The following EVA1C variants were observed in gnomAD, a reference collection of about 807,000 sequenced individuals.
EVA1C encodes protein eva-1 homolog C.
EVA1C carries 25 observed loss-of-function variants against 45.4 expected under a neutral mutation model. The ratio of observed to expected loss-of-function variants is 0.55; its 90% CI spans 0.40 to 0.77. The LOEUF is 0.77. Among genes scored for constraint, EVA1C ranks in the 30% least tolerant of loss-of-function variants. EVA1C has a pLI of 0.00. For missense variants in EVA1C, 479 were observed against 554.8 expected (o/e 0.86, Z 1.37); for synonymous variants, 190 against 221.2 (o/e 0.86, Z 1.25).
At chr21:32,458,773 G>T (rs9984457) in intron 3 of EVA1C, among the ~76,000 whole-genome samples, 5,832 of 152,026 alleles carry the variant, frequency 0.038, 133 homozygotes, top group African/African-American at 0.056. Context: ...GAGCCACCAC[G>T]CCTGGTCGAG....
chr21:32,426,666 G>A (rs2034499294), intron 1 of EVA1C, among the ~76,000 whole-genome samples: 2 of 152,120 alleles, frequency 1.3e-5, no homozygotes, highest in South Asian at 4.1e-4. Flanking sequence ...TCGTTTTACA[G>A]CCCACATCGA....
intron 5 of EVA1C, among the ~76,000 whole-genome samples, chr21:32,498,244 C>T (rs571512410): frequency 2.1e-4 from 32 of 152,192 alleles, no homozygotes; most frequent in Non-Finnish European, 4.6e-4. Context: ...GTCAAGAGTT[C>T]GAGACCAGCC....
intron 4 of EVA1C, among the ~76,000 whole-genome samples, chr21:32,480,117 T>C (rs2036723843): frequency 6.6e-6 from 1 of 152,002 alleles, no homozygotes; most frequent in Non-Finnish European, 1.5e-5. Flanking sequence ...TACATAGCAC[T>C]GCTTATAATA....
chr21:32,512,310 C>T (rs1054933559), intron 7 of EVA1C, among the ~76,000 whole-genome samples: 3 of 152,164 alleles, frequency 2.0e-5, no homozygotes, highest in African/African-American at 7.2e-5. Flanking sequence ...GAGAATGTCT[C>T]ATGTCCTAAG....
intron 7 of EVA1C, among the ~76,000 whole-genome samples, chr21:32,508,572 C>T (rs2037848830): frequency 1.3e-5 from 2 of 152,228 alleles, no homozygotes; most frequent in Admixed American, 6.5e-5. Flanking sequence ...GATATGGATT[C>T]GGATGTGTTC....
At chr21:32,488,216 T>C (rs1192481274) in intron 4 of EVA1C, among the ~76,000 whole-genome samples, 2 of 152,224 alleles carry the variant, frequency 1.3e-5, no homozygotes, top group African/African-American at 4.8e-5. Flanking sequence ...AGGACCTGAA[T>C]AGACATTTCT....
At chr21:32,508,253 G>A (rs2037838345) in intron 7 of EVA1C, among the ~76,000 whole-genome samples, 2 of 152,180 alleles carry the variant, frequency 1.3e-5, no homozygotes, top group Non-Finnish European at 2.9e-5. Flanking sequence ...CTGCAGGCAT[G>A]CCTTTTGTGG....
chr21:32,425,174 A>AAAC (rs1030453027), intron 1 of EVA1C, among the ~76,000 whole-genome samples: 9 of 110,742 alleles, frequency 8.1e-5, no homozygotes, highest in Admixed American at 3.5e-4. Context: ...AACAAACAAC[A>AAAC]ACAACAAAAA....
chr21:32,419,676 C>T (rs1318742784), intron 1 of EVA1C, among the ~76,000 whole-genome samples: 2 of 152,136 alleles, frequency 1.3e-5, no homozygotes, highest in Non-Finnish European at 2.9e-5. Context: ...AATCGTGCTT[C>T]TGCACTTCAG....
At chr21:32,459,285 T>C (rs1215095482) in intron 3 of EVA1C, among the ~76,000 whole-genome samples, 1 of 152,106 alleles carries the variant, frequency 6.6e-6, no homozygotes, top group Non-Finnish European at 1.5e-5. Flanking sequence ...GGCCCAGCCA[T>C]TCAGAACCGC....
intron 4 of EVA1C, among the ~76,000 whole-genome samples, chr21:32,486,265 AG>A (rs1445007486): frequency 6.6e-6 from 1 of 152,208 alleles, no homozygotes; most frequent in Non-Finnish European, 1.5e-5. Flanking sequence ...CTGGGACTAC[AG>A]GTGTGTGCCA....
intron 1 of EVA1C, among the ~76,000 whole-genome samples, chr21:32,421,961 C>G (rs2034289624): frequency 1.3e-5 from 2 of 148,394 alleles, no homozygotes; most frequent in African/African-American, 5.0e-5. Context: ...ATGAGAATCA[C>G]TGGAACCTGG....
intron 6 of EVA1C, 125 bp downstream of exon 6, chr21:32,501,620 G>C (rs1228207903): frequency 2.5e-6 from 3 of 1,223,926 alleles, no homozygotes; most frequent in Non-Finnish European, 3.3e-6. Flanking sequence ...TTGAGGTACC[G>C]GTCCTGGTGA....
At chr21:32,489,334 A>G (rs911735834) in intron 4 of EVA1C, among the ~76,000 whole-genome samples, 3 of 152,208 alleles carry the variant, frequency 2.0e-5, no homozygotes, top group African/African-American at 7.2e-5. Flanking sequence ...CAAAACCCCA[A>G]CACCATTTAT....
intron 3 of EVA1C, among the ~76,000 whole-genome samples, chr21:32,464,104 G>A (rs766211251): frequency 1.6e-4 from 25 of 152,300 alleles, no homozygotes; most frequent in Non-Finnish European, 2.9e-4. Flanking sequence ...AAAAAGAATC[G>A]AACCTTCTGA....
intron 4 of EVA1C, among the ~76,000 whole-genome samples, chr21:32,483,973 T>C (rs1037202212): frequency 3.8e-4 from 51 of 135,574 alleles, no homozygotes; most frequent in Middle Eastern, 3.6e-3. Flanking sequence ...TGTGTGTGTG[T>C]GTGTGTGTGT....
At chr21:32,464,185 G>A (rs1343402489) in intron 3 of EVA1C, among the ~76,000 whole-genome samples, 3 of 152,248 alleles carry the variant, frequency 2.0e-5, no homozygotes, top group Non-Finnish European at 2.9e-5. Context: ...CTAAGTTTAA[G>A]CTGTTGAATT....
intron 1 of EVA1C, among the ~76,000 whole-genome samples, chr21:32,447,768 C>T (rs139671217): frequency 3.3e-5 from 5 of 152,198 alleles, no homozygotes; most frequent in Admixed American, 6.5e-5. Context: ...TGCAATGGCG[C>T]GATCTCAGCT....
intron 4 of EVA1C, among the ~76,000 whole-genome samples, chr21:32,469,620 G>A (rs917766347): frequency 1.1e-4 from 16 of 152,192 alleles, no homozygotes; most frequent in Non-Finnish European, 8.8e-5. Context: ...TAGTTCACAG[G>A]GTGGTAGGGG....
Sources: allele counts gnomAD v4.1 joint callset (sites outside exome capture counted in the v4.1 genomes callset), GRCh38; gene constraint gnomAD v4.1.1; transcripts MANE v1.5; gene names NCBI Gene and HGNC (gene_info 2026-07-23, HGNC 2026-07-21).